Variants in EVL observed in about 807,000 individuals in gnomAD.
EVL encodes Enah/Vasp-like.
Under a neutral mutation model 59.6 loss-of-function variants are expected in EVL, and 21 were observed. The observed-to-expected ratio is 0.35, with a 90% confidence interval of 0.25 to 0.51. EVL has a LOEUF of 0.51. Among genes scored for constraint, EVL ranks in the 20% least tolerant of loss-of-function variants. The pLI is 0.97. For synonymous variants in EVL, 198 were observed against 203.5 expected (o/e 0.97, Z 0.23); for missense variants, 462 against 546.6 (o/e 0.85, Z 1.54).
At chr14:100,140,081 C>G (rs1356664775) in intron 11 of EVL, 1 of 151,686 alleles carries the variant, frequency 6.6e-6, no homozygotes, top group Non-Finnish European at 1.5e-5. Context: ...CAGTGAGACC[C>G]CATCTCTACA....
intron 3 of EVL, among the ~76,000 whole-genome samples, chr14:100,100,350 C>T (rs1886128724): frequency 6.6e-6 from 1 of 152,110 alleles, no homozygotes; most frequent in African/African-American, 2.4e-5. Flanking sequence ...CTGGTAGTGA[C>T]CTCCTTTGCA....
At chr14:100,076,610 A>G (rs1191496915) in intron 1 of EVL, among the ~76,000 whole-genome samples, 2 of 152,240 alleles carry the variant, frequency 1.3e-5, no homozygotes, top group Non-Finnish European at 2.9e-5. Flanking sequence ...AAAAGAGGTA[A>G]CAGATATTCC....
chr14:100,058,636 A>G (rs1032855659), intron 1 of EVL, among the ~76,000 whole-genome samples: 6 of 152,148 alleles, frequency 3.9e-5, no homozygotes, highest in Non-Finnish European at 8.8e-5. Flanking sequence ...CCTGCAGTAC[A>G]TGGTTATTTA....
At chr14:100,032,607 A>G (rs2061330869) in intron 1 of EVL, among the ~76,000 whole-genome samples, 1 of 152,106 alleles carries the variant, frequency 6.6e-6, no homozygotes, top group Non-Finnish European at 1.5e-5. Flanking sequence ...TTCCGCTCCA[A>G]AAAAATGATT....
chr14:100,008,494 CAG>C (rs1291714152), intron 1 of EVL, among the ~76,000 whole-genome samples: 2 of 152,150 alleles, frequency 1.3e-5, no homozygotes, highest in African/African-American at 4.8e-5. Context: ...GCGTGTAACA[CAG>C]TGGTTCTCAA....
intron 1 of EVL, among the ~76,000 whole-genome samples, chr14:100,060,362 C>T (rs890703580): frequency 1.4e-4 from 21 of 146,494 alleles, no homozygotes; most frequent in Non-Finnish European, 2.2e-4. Flanking sequence ...ACCCGGGAGG[C>T]GGAGCTTGCA....
chr14:100,091,195 C>CT (rs2062557319), intron 2 of EVL, among the ~76,000 whole-genome samples: 1 of 152,156 alleles, frequency 6.6e-6, no homozygotes, highest in African/African-American at 2.4e-5. Flanking sequence ...TCACCTGCCC[C>CT]TTTTCTCCCC....
chr14:100,105,089 G>A (rs545724806), intron 3 of EVL, among the ~76,000 whole-genome samples: 1 of 151,990 alleles, frequency 6.6e-6, no homozygotes, highest in South Asian at 2.1e-4. Flanking sequence ...CTCCTGTTGG[G>A]CAGCTGCAGC....
intron 4 of EVL, among the ~76,000 whole-genome samples, chr14:100,124,269 C>T (rs1396579652): frequency 6.6e-6 from 1 of 152,210 alleles, no homozygotes; most frequent in Non-Finnish European, 1.5e-5. Context: ...GATAGGGAGT[C>T]AAGCTGCAGC....
intron 1 of EVL, among the ~76,000 whole-genome samples, chr14:100,010,569 G>A (rs2061010537): frequency 6.6e-6 from 1 of 152,088 alleles, no homozygotes; most frequent in South Asian, 2.1e-4. Flanking sequence ...CTAATTCTTT[G>A]TATTTTTAGT....
intron 1 of EVL, among the ~76,000 whole-genome samples, chr14:99,998,925 A>T (rs1743573036): frequency 6.6e-6 from 1 of 152,192 alleles, no homozygotes; most frequent in Non-Finnish European, 1.5e-5. Flanking sequence ...ATGCTATTAC[A>T]CTATGTGGTG....
At chr14:100,068,561 G>A (rs986252492) in intron 1 of EVL, among the ~76,000 whole-genome samples, 4 of 152,208 alleles carry the variant, frequency 2.6e-5, no homozygotes, top group Admixed American at 6.5e-5. Context: ...GGCTACCGCA[G>A]TCATCCAGGT....
At chr14:100,061,362 C>A (rs1054977169), upstream of EVL, among the ~76,000 whole-genome samples, 16 of 121,428 alleles carry the variant, frequency 1.3e-4, no homozygotes, top group African/African-American at 5.0e-4. Flanking sequence ...TTGCAGTGAG[C>A]TGAGATCACC....
chr14:100,018,140 G>T (rs748543511), intron 1 of EVL, among the ~76,000 whole-genome samples: 22 of 152,232 alleles, frequency 1.4e-4, no homozygotes, highest in Non-Finnish European at 2.8e-4. Flanking sequence ...TCTTAGATTT[G>T]CAGGAGAGGC....
At chr14:99,995,535 C>A (rs578094301) in intron 1 of EVL, among the ~76,000 whole-genome samples, 36 of 150,792 alleles carry the variant, frequency 2.4e-4, no homozygotes, top group African/African-American at 8.8e-4. Context: ...TCTTTTAGTT[C>A]ATTGAGCATC....
chr14:100,054,329 A>C (rs1459672629), intron 1 of EVL, among the ~76,000 whole-genome samples: 2 of 152,206 alleles, frequency 1.3e-5, no homozygotes, highest in African/African-American at 4.8e-5. Flanking sequence ...CTGGGAATAC[A>C]GGCGTGAGCC....
chr14:100,061,403 CAAAAAAAAAAAA>C (rs56656380), upstream of EVL, among the ~76,000 whole-genome samples: 2 of 19,088 alleles, frequency 1.0e-4, no homozygotes, highest in African/African-American at 2.6e-4. Context: ...GACCCTGTCT[CAAAAAAAAAAAA>C]AAAAAAAAAA....
At chr14:100,090,989 A>G (rs1343751427) in intron 2 of EVL, among the ~76,000 whole-genome samples, 1 of 152,132 alleles carries the variant, frequency 6.6e-6, no homozygotes, top group Non-Finnish European at 1.5e-5. Flanking sequence ...TATTATAGTA[A>G]TATAATAATA....
chr14:100,027,801 A>C (rs1187950539), intron 1 of EVL, among the ~76,000 whole-genome samples: 1 of 152,046 alleles, frequency 6.6e-6, no homozygotes, highest in Non-Finnish European at 1.5e-5. Context: ...CAGCCTCCCA[A>C]GTAGCTGGGA....
Sources: allele counts gnomAD v4.1 joint callset (sites outside exome capture counted in the v4.1 genomes callset), GRCh38; gene constraint gnomAD v4.1.1; transcripts MANE v1.5; gene names NCBI Gene and HGNC (gene_info 2026-07-23, HGNC 2026-07-21).